Variants in DISC1 observed in about 807,000 individuals in gnomAD.
DISC1 encodes the protein disrupted in schizophrenia 1 protein.
DISC1 carries 57 observed loss-of-function variants against 84.5 expected under a neutral mutation model. The observed-to-expected ratio is 0.67, with a 90% confidence interval of 0.55 to 0.84. The LOEUF (loss-of-function observed/expected upper bound fraction) is 0.84, where lower values mean the gene tolerates loss of function less well. Ranked by LOEUF, DISC1 falls within the 40% of genes least tolerant of loss-of-function variation. The pLI is 0.00. For synonymous variants in DISC1, 411 were observed against 415.2 expected (o/e 0.99, Z 0.12); for missense variants, 1,000 against 1,057.8 (o/e 0.95, Z 0.76).
At chr1:231,681,529 G>C (rs1000057535) in intron 1 of DISC1, among the ~76,000 whole-genome samples, 41 of 152,114 alleles carry the variant, frequency 2.7e-4, no homozygotes, top group Non-Finnish European at 4.4e-4. Context: ...CCACCTCCCT[G>C]GTGGTCAGGT....
At chr1:231,824,030 A>G (rs2081681069) in intron 9 of DISC1, among the ~76,000 whole-genome samples, 2 of 152,168 alleles carry the variant, frequency 1.3e-5, no homozygotes, top group Non-Finnish European at 2.9e-5. Flanking sequence ...GCATCTTCCA[A>G]TTTCTGACAT....
In DISC1 at chr1:232,040,439, G is replaced by A. The variant is rs563832378; in HGVS notation, c.*3608G>A. The A allele has an allele frequency of 6.6e-6, 1 of 152,246 alleles. No homozygotes were observed. Among genetic ancestry groups the A allele is most frequent in the Non-Finnish European group, 1.5e-5 (1 of 68,032 alleles). The allele number at this position is 152,246 out of a possible 1,614,324, so 9.4% of individuals were successfully genotyped here. ...CCATGCTAAGCCCTTGCCATGCTAAGCCCTTTACAGTCATATCCTATAATC... is the reference window on the plus strand; with the variant it reads ...CCATGCTAAGCCCTTGCCATGCTAAACCCTTTACAGTCATATCCTATAATC... On this transcript the variant is annotated 3_prime_UTR_variant, in exon 13 of 13. Transcript: ENST00000439617.
At chr1:231,977,152 C>A (rs1327855979) in intron 10 of DISC1, among the ~76,000 whole-genome samples, 1 of 152,198 alleles carries the variant, frequency 6.6e-6, no homozygotes, top group African/African-American at 2.4e-5. Flanking sequence ...ATAAATTCAA[C>A]AAATTTCAAT....
intron 10 of DISC1, among the ~76,000 whole-genome samples, chr1:231,999,787 C>T (rs1164064268): frequency 6.6e-6 from 1 of 151,588 alleles, no homozygotes; most frequent in African/African-American, 2.4e-5. Context: ...TGGAAGTTCT[C>T]CTAGAGCCAG....
intron 3 of DISC1, among the ~76,000 whole-genome samples, chr1:231,703,280 G>A (rs753224736): frequency 3.9e-5 from 6 of 152,178 alleles, no homozygotes; most frequent in Non-Finnish European, 5.9e-5. Flanking sequence ...TAATAACACT[G>A]GGTGGAGGAT....
chr1:231,707,622 A>C (rs1476880397), intron 3 of DISC1, among the ~76,000 whole-genome samples: 2 of 152,232 alleles, frequency 1.3e-5, no homozygotes, highest in Non-Finnish European at 2.9e-5. Flanking sequence ...CTCTGCCCTT[A>C]ATTTACAGAA....
chr1:231,887,050 C>T (rs987469986), intron 9 of DISC1, among the ~76,000 whole-genome samples: 6 of 151,680 alleles, frequency 4.0e-5, no homozygotes, highest in African/African-American at 1.5e-4. Context: ...TTAGTAGATG[C>T]AGAATTTCAC....
intron 4 of DISC1, among the ~76,000 whole-genome samples, chr1:231,766,187 G>C (rs1196528099): frequency 6.6e-6 from 1 of 151,394 alleles, no homozygotes; most frequent in Non-Finnish European, 1.5e-5. Context: ...CTATTCGGGA[G>C]GCTGAGGCAG....
At chr1:231,730,450 G>C (rs1227474227) in intron 3 of DISC1, among the ~76,000 whole-genome samples, 6 of 152,126 alleles carry the variant, frequency 3.9e-5, no homozygotes, top group Non-Finnish European at 7.4e-5. Flanking sequence ...TTAGATTCAG[G>C]GGATACATGT....
chr1:231,976,201 C>G (rs938501678), intron 10 of DISC1, among the ~76,000 whole-genome samples: 2 of 152,134 alleles, frequency 1.3e-5, no homozygotes, highest in African/African-American at 2.4e-5. Flanking sequence ...CCATCTCCAG[C>G]TCCAGCATGA....
intron 10 of DISC1, among the ~76,000 whole-genome samples, chr1:231,973,092 G>A (rs1414684520): frequency 6.7e-6 from 1 of 150,280 alleles, no homozygotes; most frequent in East Asian, 2.0e-4. Flanking sequence ...TGTTATCCAG[G>A]CTGGAGTGCA....
intron 9 of DISC1, among the ~76,000 whole-genome samples, chr1:231,830,235 G>A (rs1291789299): frequency 1.3e-5 from 2 of 152,174 alleles, no homozygotes; most frequent in Non-Finnish European, 2.9e-5. Flanking sequence ...GGAACCTAGA[G>A]TGGGAGATAT....
intron 9 of DISC1, among the ~76,000 whole-genome samples, chr1:231,912,757 C>A (rs1470464919): frequency 1.8e-5 from 2 of 110,786 alleles, no homozygotes; most frequent in East Asian, 6.0e-4. Flanking sequence ...TTCTTTCTTT[C>A]TTTCTTTCTT....
chr1:231,959,336 T>C (rs1660063399), intron 10 of DISC1: 1 of 985,874 alleles, frequency 1.0e-6, no homozygotes, highest in East Asian at 1.1e-4. Context: ...AAATTTCTGG[T>C]TGCTTTTTTT....
chr1:231,885,405 A>T (rs774856990), intron 9 of DISC1, among the ~76,000 whole-genome samples: 3 of 152,204 alleles, frequency 2.0e-5, no homozygotes, highest in African/African-American at 2.4e-5. Context: ...TATGGAGATA[A>T]GAGTGAGGGA....
chr1:231,809,951 A>G (rs2080131613), intron 8 of DISC1, among the ~76,000 whole-genome samples: 1 of 152,224 alleles, frequency 6.6e-6, no homozygotes, highest in Non-Finnish European at 1.5e-5. Context: ...CTTATTTGTT[A>G]TTAATTTTAT....
intron 11 of DISC1, among the ~76,000 whole-genome samples, chr1:232,018,091 A>C (rs981922679): frequency 3.3e-5 from 5 of 152,216 alleles, no homozygotes; most frequent in African/African-American, 1.2e-4. Context: ...CAGCCACAGT[A>C]GTACCTGCCT....
intron 9 of DISC1, among the ~76,000 whole-genome samples, chr1:231,958,265 T>G (rs1452918734): frequency 6.6e-6 from 1 of 152,254 alleles, no homozygotes; most frequent in Admixed American, 6.5e-5. Flanking sequence ...CTTCAACATT[T>G]GGTAATTAGG....
chr1:231,895,284 A>T (rs988507283), intron 9 of DISC1, among the ~76,000 whole-genome samples: 1 of 151,708 alleles, frequency 6.6e-6, no homozygotes, highest in Admixed American at 6.6e-5. Flanking sequence ...ATGTGTAAGT[A>T]TATCTAATGA....
Sources: gnomAD v4.1 joint callset for allele counts (sites outside exome capture counted in the v4.1 genomes callset) on GRCh38, gnomAD v4.1.1 for gene constraint, MANE v1.5 for transcripts, NCBI Gene and HGNC (gene_info 2026-07-23, HGNC 2026-07-21) for gene names.